Variants in FGF13 observed in about 807,000 individuals in gnomAD.
FGF13 encodes the protein fibroblast growth factor homologous factor 2.
FGF13 carries 2 observed loss-of-function variants against 19.5 expected under a neutral mutation model. The ratio of observed to expected loss-of-function variants is 0.10; its 90% CI spans 0.04 to 0.32. The LOEUF (loss-of-function observed/expected upper bound fraction) is 0.32, where lower values mean the gene tolerates loss of function less well. FGF13 is among the 10% of genes least tolerant of loss of function. FGF13 has a pLI of 1.00. For synonymous variants in FGF13, 72 were observed against 76.9 expected, an observed-to-expected ratio of 0.94 and a Z score of 0.33; for missense variants, 113 against 192.7, an observed-to-expected ratio of 0.59 and a Z score of 2.45.
chrX:139,033,043 A>AAAAAAAAAAAAAC (rs2092235258), intron 1 of FGF13, among the ~76,000 whole-genome samples: 1 of 102,737 alleles, frequency 9.7e-6, no homozygotes, highest in African/African-American at 3.6e-5. Context: ...AAAAAAAAAA[A>AAAAAAAAAAAAAC]AAAAAAAAAA....
chrX:138,774,302 G>A (rs1047654250), intron 3 of FGF13, among the ~76,000 whole-genome samples: 11 of 112,003 alleles, frequency 9.8e-5, no homozygotes, highest in Admixed American at 9.5e-5. Context: ...GATGATGACT[G>A]ATGATGGTGA....
At chrX:139,157,142 C>T (rs1403704142) in intron 1 of FGF13, among the ~76,000 whole-genome samples, 1 of 111,217 alleles carries the variant, frequency 9.0e-6, no homozygotes, top group African/African-American at 3.3e-5. Flanking sequence ...TTACCATAGC[C>T]CTGTAATGTA....
chrX:138,706,491 A>T (rs1321425756), intron 2 of FGF13, among the ~76,000 whole-genome samples: 3 of 112,317 alleles, frequency 2.7e-5, no homozygotes, highest in Non-Finnish European at 3.8e-5. Flanking sequence ...GAATAAAAAT[A>T]ACGCAATTCA....
chrX:139,070,985 T>G (rs1172158370), intron 1 of FGF13, among the ~76,000 whole-genome samples: 4 of 108,886 alleles, frequency 3.7e-5, no homozygotes, highest in Non-Finnish European at 7.6e-5. Context: ...TGAGGCCTAC[T>G]GGGGGGTGGA....
intron 3 of FGF13, among the ~76,000 whole-genome samples, chrX:138,670,607 C>A (rs1320538879): frequency 9.0e-6 from 1 of 111,647 alleles, no homozygotes; most frequent in Non-Finnish European, 1.9e-5. Flanking sequence ...CATTTACATA[C>A]AATCAAGTAG....
intron 1 of FGF13, among the ~76,000 whole-genome samples, chrX:138,953,681 T>A (rs955095164): frequency 1.8e-5 from 2 of 111,466 alleles, no homozygotes; most frequent in Non-Finnish European, 3.8e-5. Context: ...CACATGCCCA[T>A]CAACAGTAGA....
In FGF13 at chrX:139,033,027, C is replaced by CAAAAAAA. The variant is rs758766077; in HGVS notation, c.-112-168384_-112-168378dup. 1.2e-3 allele frequency among the ~76,000 whole-genome samples: 33 copies of CAAAAAAA among 27,269 alleles called. 6 individuals carry two copies. Among genetic ancestry groups the CAAAAAAA allele is most frequent in the Admixed American group, 6.4e-3 (12 of 1,864 alleles). 23.7% of individuals were successfully genotyped at this position (27,269 alleles called of 115,157 possible). On this transcript the variant is annotated intron_variant, in intron 1 of 2. Coordinates refer to the FGF13 transcript ENST00000421460. Reference sequence around the variant, plus strand: ...ACCAAAGTCAGAATATCTGATTATCCAAAAAAAAAAAAAAAAAAAAAAAAA... The same window carrying CAAAAAAA: ...ACCAAAGTCAGAATATCTGATTATCCAAAAAAAAAAAAAAAAAAAAAAAAAAAAAAAA...
At chrX:138,659,149 G>T (rs998114263) in intron 3 of FGF13, among the ~76,000 whole-genome samples, 1 of 111,757 alleles carries the variant, frequency 8.9e-6, no homozygotes, top group Non-Finnish European at 1.9e-5. Flanking sequence ...GAAGCAATGA[G>T]CTAAAAATGT....
At chrX:139,164,756 C>T (rs1422386221) in intron 1 of FGF13, among the ~76,000 whole-genome samples, 1 of 110,088 alleles carries the variant, frequency 9.1e-6, no homozygotes, top group East Asian at 2.8e-4. Context: ...AATACATTCA[C>T]AGCAACATTT....
At chrX:138,695,155 A>G (rs2089884125) in intron 3 of FGF13, among the ~76,000 whole-genome samples, 1 of 111,509 alleles carries the variant, frequency 9.0e-6, no homozygotes, top group African/African-American at 3.3e-5. Flanking sequence ...TACCCTAAGA[A>G]GGACATACTA....
intron 1 of FGF13, among the ~76,000 whole-genome samples, chrX:138,874,445 C>T (rs1275266669): frequency 1.8e-5 from 2 of 110,540 alleles, no homozygotes; most frequent in East Asian, 5.7e-4. Context: ...TTTTTTTCCC[C>T]AACGGCTTTT....
chrX:138,991,375 C>T (rs1225519189), intron 1 of FGF13, among the ~76,000 whole-genome samples: 1 of 112,056 alleles, frequency 8.9e-6, no homozygotes, highest in Non-Finnish European at 1.9e-5. Context: ...GTAATTTACA[C>T]ATATCTTGCA....
chrX:139,203,092 C>T (rs925378437), intron 1 of FGF13, among the ~76,000 whole-genome samples: 9 of 112,401 alleles, frequency 8.0e-5, no homozygotes, highest in African/African-American at 2.9e-4. Context: ...AAGGCAACGG[C>T]TAGAACCGGC....
chrX:138,690,150 G>C (rs778823746), intron 3 of FGF13, among the ~76,000 whole-genome samples: 107 of 111,563 alleles, frequency 9.6e-4, no homozygotes, highest in Non-Finnish European at 1.5e-3. Flanking sequence ...CACAGAGAAG[G>C]GGTAAATGAG....
At chrX:139,152,973 T>C (rs1402064386) in intron 1 of FGF13, among the ~76,000 whole-genome samples, 1 of 111,097 alleles carries the variant, frequency 9.0e-6, no homozygotes, top group Non-Finnish European at 1.9e-5. Context: ...GTCCTTCTCT[T>C]ACTGCACTCA....
chrX:138,826,808 C>T (rs1024859835), intron 3 of FGF13, among the ~76,000 whole-genome samples: 19 of 112,283 alleles, frequency 1.7e-4, no homozygotes, highest in African/African-American at 6.2e-4. Context: ...TCCAAATACT[C>T]AAATAGTAAT....
At chrX:138,796,712 C>T (rs1315837267) in intron 3 of FGF13, among the ~76,000 whole-genome samples, 1 of 111,616 alleles carries the variant, frequency 9.0e-6, no homozygotes, top group African/African-American at 3.3e-5. Flanking sequence ...TGCATCCTCG[C>T]CAGGATCTGT....
At chrX:138,865,436 C>T in intron 1 of FGF13, among the ~76,000 whole-genome samples, 1 of 101,238 alleles carries the variant, frequency 9.9e-6, no homozygotes, top group African/African-American at 4.1e-5. Flanking sequence ...TCTCTCTTCT[C>T]TCTCTCTCTC....
intron 2 of FGF13, among the ~76,000 whole-genome samples, chrX:138,706,140 T>C (rs2089990166): frequency 8.9e-6 from 1 of 112,160 alleles, no homozygotes; most frequent in African/African-American, 3.2e-5. Context: ...TGAAAGTATA[T>C]ATTAACGTAG....
Sources: allele counts gnomAD v4.1 joint callset (sites outside exome capture counted in the v4.1 genomes callset), GRCh38; gene constraint gnomAD v4.1.1; transcripts MANE v1.5; gene names NCBI Gene and HGNC (gene_info 2026-07-23, HGNC 2026-07-21).